MYH9: variants seen among roughly 807,000 people sequenced by gnomAD.
MYH9 encodes myosin heavy chain 9, also known as myosin-9.
In MYH9, 29 loss-of-function variants were observed where a neutral mutation model predicts 241.9. The ratio of observed to expected loss-of-function variants is 0.12; its 90% CI spans 0.09 to 0.16. The LOEUF is 0.16. Among genes scored for constraint, MYH9 ranks in the 10% least tolerant of loss-of-function variants. The probability of loss-of-function intolerance (pLI) is 1.00; values close to 1 mark genes in which losing one functional copy is unlikely to be tolerated. For synonymous variants in MYH9, 1,047 were observed against 1,062.6 expected (o/e 0.99, Z 0.29); for missense variants, 1,803 against 2,595.5 (o/e 0.69, Z 6.63).
chr22:36,367,013 G>A (rs2018021125), intron 1 of MYH9, among the ~76,000 whole-genome samples: 1 of 152,192 alleles, frequency 6.6e-6, no homozygotes, highest in Admixed American at 6.5e-5. Flanking sequence ...GAGAACTTGT[G>A]AGAGGTGGTG....
chr22:36,377,566 C>G (rs1013794222), intron 1 of MYH9, among the ~76,000 whole-genome samples: 10 of 152,148 alleles, frequency 6.6e-5, no homozygotes, highest in Admixed American at 6.6e-4. Flanking sequence ...TCTTAATCAC[C>G]GCACCTTGTT....
intron 1 of MYH9, among the ~76,000 whole-genome samples, chr22:36,384,598 AAAAAAAAAAAAAAATATAT>A: frequency 2.2e-5 from 1 of 44,944 alleles, no homozygotes; most frequent in African/African-American, 7.3e-5. Flanking sequence ...AAAAAAAAAA[AAAAAAAAAAAAAAATATAT>A]ATATATATAT....
chr22:36,302,292 A>ATT, intron 20 of MYH9: 1 of 357,422 alleles, frequency 2.8e-6, no homozygotes, highest in Non-Finnish European at 5.3e-6. Context: ...AAATAAAGAG[A>ATT]TTTTTTTTTT....
In MYH9 at chr22:36,344,103, C is replaced by G. The variant is rs540241027; in HGVS notation, c.334-2577G>C. 7.9e-5 allele frequency among the ~76,000 whole-genome samples: 12 copies of G among 152,360 alleles called. No homozygotes were observed. In the South Asian group the frequency reaches 2.5e-3, roughly 32 times the overall value. Reference sequence around the variant, plus strand: ...GAGCTCAAAGTTCTCTGGGCTAATCCCGTCAAAGCAGTGATGATGGAGCTA... The same window carrying G: ...GAGCTCAAAGTTCTCTGGGCTAATCGCGTCAAAGCAGTGATGATGGAGCTA... On this transcript the variant is annotated intron_variant, in intron 2 of 40. Transcript: ENST00000216181.
intron 1 of MYH9, among the ~76,000 whole-genome samples, chr22:36,369,258 C>T (rs955724283): frequency 5.3e-5 from 8 of 152,202 alleles, no homozygotes; most frequent in South Asian, 2.1e-4. Context: ...GAACTAACCC[C>T]AGGTAGAGTT....
In MYH9 at chr22:36,292,451, G is replaced by A. The variant is rs140176841; in HGVS notation, c.4096-217C>T. ...GGCATCTGTCTACTGTGTGAAGCCC[G>A]GGGGAGGCTGACCCCCAGGCCCGCT... On this transcript the variant is annotated intron_variant, in intron 30 of 40. Transcript: ENST00000216181. Among the ~76,000 whole-genome samples, 9 of 152,300 alleles carry A rather than the reference G, an allele frequency of 5.9e-5. No individual in the cohort carries two copies. The East Asian group carries it at 9.7e-4, about 16-fold the overall frequency.
intron 2 of MYH9, among the ~76,000 whole-genome samples, chr22:36,341,858 C>T (rs1001606868): frequency 1.3e-5 from 2 of 152,194 alleles, no homozygotes; most frequent in African/African-American, 4.8e-5. Context: ...AACTCAGATC[C>T]GAGGACAATG....
At position 36,297,026 on chromosome 22, in the gene MYH9, G is replaced by A. The variant is rs375397493; in HGVS notation, c.3101-12C>T. Reference sequence around the variant, plus strand: ...CCTGCGGAGGCGCTCTGCAATGCAGGGGGAGCCCACATAGCCCTCAGTGCC... The same window carrying A: ...CCTGCGGAGGCGCTCTGCAATGCAGAGGGAGCCCACATAGCCCTCAGTGCC... On this transcript the variant is annotated splice_polypyrimidine_tract_variant and intron_variant, in intron 24 of 40. Transcript: ENST00000216181. The A allele has an allele frequency of 6.8e-6, 11 of 1,613,348 alleles. No homozygotes were observed. The highest frequency in any genetic ancestry group is 9.3e-6 in the Non-Finnish European group (11 of 1,180,014).
intron 40 of MYH9, among the ~76,000 whole-genome samples, chr22:36,283,678 A>T (rs2016530703): frequency 6.6e-6 from 1 of 152,272 alleles, no homozygotes; most frequent in African/African-American, 2.4e-5. Context: ...AATCTCAGAG[A>T]ATAAGATCCT....
chr22:36,372,952 A>G (rs2018111100), intron 1 of MYH9, among the ~76,000 whole-genome samples: 3 of 152,106 alleles, frequency 2.0e-5, no homozygotes, highest in Non-Finnish European at 2.9e-5. Context: ...TTTCTCTGGA[A>G]TGAAAGGAAA....
intron 5 of MYH9, among the ~76,000 whole-genome samples, chr22:36,325,495 G>A (rs184449204): frequency 6.6e-6 from 1 of 152,240 alleles, no homozygotes; most frequent in Admixed American, 6.5e-5. Context: ...GAGGTTAAGA[G>A]TGTGTGCTTG....
In MYH9 at chr22:36,320,968, T is replaced by C; in HGVS notation, c.770-72A>G. 1.5e-6 allele frequency: 2 copies of C among 1,322,686 alleles called. No individual in the cohort carries two copies. The highest frequency in any genetic ancestry group is 2.4e-5 in the East Asian group (1 of 41,800). The allele number at this position is 1,322,686 out of a possible 1,614,324, so 81.9% of individuals were successfully genotyped here. ...CTCCACTTTCCTCATTTTTTTTTTT[T>C]TGGAGACAGAGTCTCGCTCTGTCAC... On this transcript the variant is annotated intron_variant, in intron 7 of 40. Coordinates refer to ENST00000216181, the MANE Select transcript of MYH9 (RefSeq NM_002473.6). The surrounding 1 kb of genome is among the most constrained non-coding windows in gnomAD (Gnocchi z 4.8).
intron 18 of MYH9, 81 bp from the exon 19 acceptor site, chr22:36,304,236 G>A (rs2146346799): frequency 6.9e-7 from 1 of 1,451,604 alleles, no homozygotes. Flanking sequence ...ACAGCTGGAG[G>A]TGTGCCCTTC....
In MYH9 at chr22:36,285,789, G is replaced by A; in HGVS notation, c.5151-8C>T. The A allele has an allele frequency of 6.2e-7, 1 of 1,609,732 alleles. No individual in the cohort carries two copies. The highest frequency in any genetic ancestry group is 8.5e-7 in the Non-Finnish European group (1 of 1,178,336). Reference sequence around the variant, plus strand: ...TCCTCTAACGCCAGGGCTCTGCGGGGTGGGCGGGAGAAGTGAGGGGCCTAC... The same window carrying A: ...TCCTCTAACGCCAGGGCTCTGCGGGATGGGCGGGAGAAGTGAGGGGCCTAC... On this transcript the variant is annotated splice_region_variant and splice_polypyrimidine_tract_variant and intron_variant, in intron 36 of 40. Transcript: ENST00000216181. This position sits in a 1 kb window ranked among gnomAD's most constrained non-coding sequence, Gnocchi z 7.0.
intron 3 of MYH9, among the ~76,000 whole-genome samples, chr22:36,340,011 C>T (rs1480509746): frequency 6.6e-6 from 1 of 152,010 alleles, no homozygotes; most frequent in African/African-American, 2.4e-5. Flanking sequence ...AGGGATTTGC[C>T]AGGCATTGCA....
chr22:36,347,080 T>C (rs1287506000), intron 2 of MYH9, among the ~76,000 whole-genome samples: 1 of 152,164 alleles, frequency 6.6e-6, no homozygotes, highest in Admixed American at 6.5e-5. Context: ...AGGAAATATC[T>C]TTGAGTTGAA....
chr22:36,378,020 A>C (rs951978731), intron 1 of MYH9, among the ~76,000 whole-genome samples: 3 of 152,002 alleles, frequency 2.0e-5, no homozygotes, highest in African/African-American at 7.3e-5. Context: ...CACACCTGTA[A>C]TCCTAGCACT....
intron 1 of MYH9, among the ~76,000 whole-genome samples, chr22:36,356,859 A>G (rs1450078130): frequency 6.6e-6 from 1 of 152,198 alleles, no homozygotes; most frequent in Non-Finnish European, 1.5e-5. Flanking sequence ...TGTCCTGTTC[A>G]CTGCTGAATC....
intron 1 of MYH9, among the ~76,000 whole-genome samples, chr22:36,367,563 C>G (rs962378867): frequency 2.0e-5 from 3 of 152,168 alleles, no homozygotes; most frequent in Non-Finnish European, 4.4e-5. Context: ...ATTAACTTAC[C>G]GCTCCTAGAC....
Sources: gnomAD v4.1 joint callset for allele counts (sites outside exome capture counted in the v4.1 genomes callset) on GRCh38, gnomAD v4.1.1 for gene constraint, Gnocchi (gnomAD v3.1) non-coding constraint, MANE v1.5 for transcripts, NCBI Gene and HGNC (gene_info 2026-07-23, HGNC 2026-07-21) for gene names.